PTPN1: variants seen among roughly 807,000 people sequenced by gnomAD.
PTPN1 encodes the protein protein tyrosine phosphatase non-receptor type 1.
PTPN1 carries 12 observed loss-of-function variants against 59.9 expected under a neutral mutation model. The ratio of observed to expected loss-of-function variants is 0.20; its 90% CI spans 0.13 to 0.32. The LOEUF (loss-of-function observed/expected upper bound fraction) is 0.32, where lower values mean the gene tolerates loss of function less well. Among genes scored for constraint, PTPN1 ranks in the 10% least tolerant of loss-of-function variants. The pLI is 1.00. For synonymous variants in PTPN1, 178 were observed against 203.6 expected, an observed-to-expected ratio of 0.87 and a Z score of 1.07; for missense variants, 356 against 549.2, an observed-to-expected ratio of 0.65 and a Z score of 3.52.
intron 3 of PTPN1, among the ~76,000 whole-genome samples, chr20:50,567,227 G>C (rs1461394198): frequency 6.6e-6 from 1 of 152,148 alleles, no homozygotes; most frequent in Non-Finnish European, 1.5e-5. Flanking sequence ...AGGAGTTCGA[G>C]GCCAGCCTGG....
chr20:50,584,643 G>A lies in PTPN1; in HGVS notation c.*1928G>A, dbSNP rs940786083. On this transcript the variant is annotated 3_prime_UTR_variant, in exon 10 of 10. Transcript: ENST00000371621. ...CATGACCGGGTGGGTGGGGGGGAGT[G>A]TCTCAGGGTCTTCTGTGACCTCACA... 6.6e-6 allele frequency: 1 copy of A among 151,804 alleles called. No homozygotes were observed. The highest frequency in any genetic ancestry group is 1.5e-5 in the Non-Finnish European group (1 of 67,976). 9.4% of individuals were successfully genotyped at this position (151,804 alleles called of 1,614,324 possible).
At position 50,574,504 on chromosome 20, in the gene PTPN1, T is replaced by C. The variant is rs745360487; in HGVS notation, c.355-13T>C. The C allele has an allele frequency of 1.9e-6, 3 of 1,580,370 alleles. No homozygotes were observed. Among genetic ancestry groups the C allele is most frequent in the South Asian group, 1.2e-5 (1 of 84,750 alleles). On this transcript the variant is annotated splice_polypyrimidine_tract_variant and intron_variant, in intron 4 of 9. Coordinates refer to ENST00000371621, the MANE Select transcript of PTPN1 (RefSeq NM_002827.4). The stretch of plus-strand genomic sequence containing the variant: ...TATTGCTCACAATAATTCACTATTA[T>C]TTGTTTCCCCAGTTAAAATGCGCAC...
chr20:50,555,737 T>C (rs2082723295), intron 1 of PTPN1, among the ~76,000 whole-genome samples: 1 of 151,712 alleles, frequency 6.6e-6, no homozygotes, highest in South Asian at 2.1e-4. Context: ...TTTTTTTTTA[T>C]TTCTCTGTCT....
intron 1 of PTPN1, among the ~76,000 whole-genome samples, chr20:50,526,421 TC>T (rs918986262): frequency 2.0e-5 from 3 of 151,916 alleles, no homozygotes; most frequent in Admixed American, 2.0e-4. Flanking sequence ...CATTCCCTAC[TC>T]CCCTTAGTTT....
intron 1 of PTPN1, among the ~76,000 whole-genome samples, chr20:50,554,079 A>C (rs80161683): frequency 8.5e-4 from 130 of 152,300 alleles, no homozygotes; most frequent in African/African-American, 2.9e-3. Context: ...AAGCATTTCA[A>C]CAAACCTTCA....
chr20:50,515,184 G>C (rs2122716934), intron 1 of PTPN1, among the ~76,000 whole-genome samples: 1 of 152,332 alleles, frequency 6.6e-6, no homozygotes, highest in Non-Finnish European at 1.5e-5. Context: ...ATGGCAGCCA[G>C]CTTCCAGTCC....
At chr20:50,579,574 G>A (rs953107864) in intron 7 of PTPN1, 129 bp from the exon 8 acceptor site, 2 of 931,492 alleles carry the variant, frequency 2.1e-6, no homozygotes, top group African/African-American at 1.7e-5. Context: ...CATCTTCCAA[G>A]TACATGGCTG....
Position 50,578,452 on chromosome 20 carries a change from C to T in PTPN1, c.525C>T (p.His175=), listed in dbSNP as rs758375733. 1.5e-5 allele frequency: 25 copies of T among 1,614,060 alleles called. No individual in the cohort carries two copies. Among genetic ancestry groups the T allele is most frequent in the Non-Finnish European group, 8.5e-7 (1 of 1,180,000 alleles). Reference sequence around the variant, plus strand: ...AAACTCGAGAGATCTTACATTTCCACTATACCACATGGCCTGACTTTGGAG... The same window carrying T: ...AAACTCGAGAGATCTTACATTTCCATTATACCACATGGCCTGACTTTGGAG... ...TQETREILHF[H]YTTWPDFGVP... Residue 175 remains histidine (H), a synonymous_variant, in exon 6 of 10, where the codon CAC becomes CAT. Coordinates refer to ENST00000371621, the MANE Select transcript of PTPN1 (RefSeq NM_002827.4).
At chr20:50,531,943 G>A (rs753581846) in intron 1 of PTPN1, among the ~76,000 whole-genome samples, 4 of 152,188 alleles carry the variant, frequency 2.6e-5, no homozygotes, top group African/African-American at 4.8e-5. Flanking sequence ...TGTTGGCTAC[G>A]CGCATGGTAA....
intron 1 of PTPN1, among the ~76,000 whole-genome samples, chr20:50,559,211 T>G (rs1028689538): frequency 2.4e-4 from 36 of 152,034 alleles, no homozygotes; most frequent in African/African-American, 8.0e-4. Context: ...TTTTGTATTT[T>G]TAATAGAGAC....
intron 4 of PTPN1, chr20:50,572,163 TGA>T (rs1254979399): frequency 6.6e-6 from 1 of 152,210 alleles, no homozygotes; most frequent in Non-Finnish European, 1.5e-5. Flanking sequence ...ACAGCAACTA[TGA>T]GAGATGCTAG....
At chr20:50,534,640 G>A (rs2082615779) in intron 1 of PTPN1, among the ~76,000 whole-genome samples, 1 of 151,910 alleles carries the variant, frequency 6.6e-6, no homozygotes, top group Non-Finnish European at 1.5e-5. Context: ...CTATTCCTTA[G>A]TTACTCTAAC....
chr20:50,569,003 C>A (rs763456228), intron 4 of PTPN1, among the ~76,000 whole-genome samples: 4 of 152,120 alleles, frequency 2.6e-5, no homozygotes, highest in African/African-American at 9.7e-5. Flanking sequence ...ATTCTAAGTT[C>A]CTGCAACTTT....
At chr20:50,552,904 C>G (rs2082709387) in intron 1 of PTPN1, among the ~76,000 whole-genome samples, 1 of 152,078 alleles carries the variant, frequency 6.6e-6, no homozygotes, top group Non-Finnish European at 1.5e-5. Flanking sequence ...TTCATCAGAT[C>G]TCTGTTCCAG....
chr20:50,531,995 C>A (rs960361929), intron 1 of PTPN1, among the ~76,000 whole-genome samples: 1 of 152,170 alleles, frequency 6.6e-6, no homozygotes, highest in Non-Finnish European at 1.5e-5. Context: ...GCCTTGTGAC[C>A]TGGGATTGGC....
intron 1 of PTPN1, among the ~76,000 whole-genome samples, chr20:50,558,526 C>G (rs2122773340): frequency 6.6e-6 from 1 of 152,300 alleles, no homozygotes; most frequent in East Asian, 1.9e-4. Flanking sequence ...CTGTATTGGA[C>G]AGAGTGGTTT....
intron 4 of PTPN1, among the ~76,000 whole-genome samples, chr20:50,569,418 C>A (rs2082795519): frequency 6.6e-6 from 1 of 152,234 alleles, no homozygotes. Context: ...CCCCCAGCTC[C>A]CCAACTGCCT....
intron 1 of PTPN1, among the ~76,000 whole-genome samples, chr20:50,515,006 G>T (rs959959642): frequency 4.6e-5 from 7 of 152,144 alleles, no homozygotes; most frequent in African/African-American, 1.2e-4. Context: ...AGCCTGCAAT[G>T]GTTTCTAGTT....
At chr20:50,570,806 A>C (rs2082804502) in intron 4 of PTPN1, among the ~76,000 whole-genome samples, 1 of 151,788 alleles carries the variant, frequency 6.6e-6, no homozygotes. Flanking sequence ...TGCCAGTAGC[A>C]CCCCCTCCCC....
Sources: allele counts gnomAD v4.1 joint callset (sites outside exome capture counted in the v4.1 genomes callset), GRCh38; gene constraint gnomAD v4.1.1; transcripts MANE v1.5; gene names NCBI Gene and HGNC (gene_info 2026-07-23, HGNC 2026-07-21).